Variants in MACROD2 observed in about 807,000 individuals in gnomAD.
The protein encoded by MACROD2 is ADP-ribose glycohydrolase MACROD2.
In MACROD2, 36 loss-of-function variants were observed where a neutral mutation model predicts 70.4. That is an observed-to-expected ratio of 0.51 (90% confidence interval 0.39 to 0.68). The LOEUF (loss-of-function observed/expected upper bound fraction) is 0.68. Among genes scored for constraint, MACROD2 ranks in the 30% least tolerant of loss-of-function variants. The pLI, the probability that MACROD2 is intolerant of heterozygous loss-of-function variation, is 0.00. For missense variants in MACROD2, 496 were observed against 538.4 expected, an observed-to-expected ratio of 0.92 and a Z score of 0.78; for synonymous variants, 172 against 178.8, an observed-to-expected ratio of 0.96 and a Z score of 0.30.
chr20:15,800,039 T>C (rs971371732), intron 8 of MACROD2, among the ~76,000 whole-genome samples: 1 of 152,192 alleles, frequency 6.6e-6, no homozygotes, highest in Admixed American at 6.6e-5. Flanking sequence ...TGATGACTCA[T>C]GATGTTGAGC....
At chr20:14,580,333 G>A (rs751229745) in intron 4 of MACROD2, among the ~76,000 whole-genome samples, 4 of 151,944 alleles carry the variant, frequency 2.6e-5, no homozygotes, top group Non-Finnish European at 5.9e-5. Context: ...CTGAAAATCC[G>A]TACAGACTTA....
At chr20:14,161,979 G>A (rs1365671442) in intron 3 of MACROD2, among the ~76,000 whole-genome samples, 2 of 152,086 alleles carry the variant, frequency 1.3e-5, no homozygotes, top group African/African-American at 4.8e-5. Flanking sequence ...TTTATATGAT[G>A]ATAAACTCTT....
At chr20:15,483,872 T>A (rs752050047) in intron 7 of MACROD2, among the ~76,000 whole-genome samples, 1 of 152,006 alleles carries the variant, frequency 6.6e-6, no homozygotes, top group East Asian at 1.9e-4. Flanking sequence ...AGTTTATTGT[T>A]GGTACATAGG....
At position 15,918,894 on chromosome 20, in the gene MACROD2, A is replaced by G. The variant is rs538766644; in HGVS notation, c.776-14382A>G. On this transcript the variant is annotated intron_variant, in intron 10 of 17. Transcript: ENST00000684519. ...TATTAAATGACTGATCCTAGAACCAATGAGGGGCTCTGCATGTTAAATAAC... is the reference window on the plus strand; with the variant it reads ...TATTAAATGACTGATCCTAGAACCAGTGAGGGGCTCTGCATGTTAAATAAC... 6.6e-5 allele frequency among the ~76,000 whole-genome samples: 10 copies of G among 152,252 alleles called. No homozygotes were observed. The South Asian group carries it at 1.5e-3, about 22-fold the overall frequency.
At chr20:14,033,295 G>A (rs1569126157) in intron 2 of MACROD2, among the ~76,000 whole-genome samples, 1 of 151,638 alleles carries the variant, frequency 6.6e-6, no homozygotes, top group Non-Finnish European at 1.5e-5. Context: ...CTTGCGATCT[G>A]TTTATTAACT....
intron 5 of MACROD2, among the ~76,000 whole-genome samples, chr20:15,189,665 G>A (rs1243030010): frequency 6.6e-6 from 1 of 152,086 alleles, no homozygotes; most frequent in Admixed American, 6.5e-5. Context: ...AGTAGGTGAA[G>A]GAAAATATAT....
In MACROD2 at chr20:14,349,120, C is replaced by T. The variant is rs530552368; in HGVS notation, c.272-144359C>T. ...ATGGAAAATAAAAATAATCTGAATT[C>T]CCACTATCCAGTATTAACATTGGGT... On this transcript the variant is annotated intron_variant, in intron 3 of 17. Coordinates refer to ENST00000684519, the MANE Select transcript of MACROD2 (RefSeq NM_001351661.2). 2.0e-5 allele frequency among the ~76,000 whole-genome samples: 3 copies of T among 151,042 alleles called. No individual in the cohort carries two copies. In the South Asian group the frequency reaches 6.3e-4, roughly 32 times the overall value.
intron 5 of MACROD2, among the ~76,000 whole-genome samples, chr20:14,899,479 T>C (rs889932340): frequency 6.6e-6 from 1 of 152,174 alleles, no homozygotes; most frequent in Non-Finnish European, 1.5e-5. Flanking sequence ...AACTTTGGCA[T>C]TGCTTGGTTT....
At chr20:14,397,706 T>A (rs1450628235) in intron 3 of MACROD2, among the ~76,000 whole-genome samples, 1 of 152,138 alleles carries the variant, frequency 6.6e-6, no homozygotes, top group African/African-American at 2.4e-5. Context: ...TCAGAGTAAT[T>A]AGGATTACAA....
intron 3 of MACROD2, among the ~76,000 whole-genome samples, chr20:14,095,346 G>T (rs2054208322): frequency 6.6e-6 from 1 of 152,096 alleles, no homozygotes. Flanking sequence ...AGGAAATGTA[G>T]GACTCAAGTG....
At chr20:14,155,746 A>G (rs2055093507) in intron 3 of MACROD2, among the ~76,000 whole-genome samples, 2 of 152,108 alleles carry the variant, frequency 1.3e-5, no homozygotes, top group South Asian at 4.1e-4. Context: ...AAAATTCAGG[A>G]TACCCTTTTC....
At chr20:15,911,247 G>A (rs2065232537) in intron 10 of MACROD2, among the ~76,000 whole-genome samples, 1 of 152,160 alleles carries the variant, frequency 6.6e-6, no homozygotes, top group Non-Finnish European at 1.5e-5. Flanking sequence ...GGACCAAGTA[G>A]GAGCTGAGTG....
intron 5 of MACROD2, among the ~76,000 whole-genome samples, chr20:15,047,119 T>C (rs2075400707): frequency 6.6e-6 from 1 of 152,234 alleles, no homozygotes; most frequent in African/African-American, 2.4e-5. Flanking sequence ...TTGATGTCTC[T>C]TATTTACTAA....
intron 2 of MACROD2, among the ~76,000 whole-genome samples, chr20:14,034,089 A>G (rs557860037): frequency 7.9e-5 from 12 of 152,208 alleles, no homozygotes; most frequent in African/African-American, 2.9e-4. Flanking sequence ...CTCCTGCCTC[A>G]GCCTCCCGAC....
At chr20:15,394,151 CT>C (rs1298845914) in intron 6 of MACROD2, among the ~76,000 whole-genome samples, 1 of 152,172 alleles carries the variant, frequency 6.6e-6, no homozygotes, top group Non-Finnish European at 1.5e-5. Flanking sequence ...ATCATATCAA[CT>C]CTCCTAACAG....
At chr20:15,604,469 G>A (rs751611578) in intron 8 of MACROD2, among the ~76,000 whole-genome samples, 2 of 152,202 alleles carry the variant, frequency 1.3e-5, no homozygotes, top group Non-Finnish European at 2.9e-5. Context: ...TTCTACAGCA[G>A]GGCCAGATTT....
intron 5 of MACROD2, among the ~76,000 whole-genome samples, chr20:14,844,405 T>C (rs1181242900): frequency 6.6e-6 from 1 of 151,880 alleles, no homozygotes; most frequent in African/African-American, 2.4e-5. Flanking sequence ...TAATCCCAGC[T>C]ACTCGGGAGG....
intron 3 of MACROD2, among the ~76,000 whole-genome samples, chr20:14,147,609 G>A (rs763171159): frequency 6.6e-5 from 10 of 152,180 alleles, no homozygotes; most frequent in Non-Finnish European, 1.3e-4. Context: ...GTTGAAAGTA[G>A]TATGTTATTT....
At chr20:14,425,343 C>T (rs935605783) in intron 3 of MACROD2, among the ~76,000 whole-genome samples, 3 of 152,164 alleles carry the variant, frequency 2.0e-5, no homozygotes, top group African/African-American at 7.2e-5. Flanking sequence ...CTTTCTCCAC[C>T]CTCCAGCTTT....
Sources: gnomAD v4.1 joint callset for allele counts (sites outside exome capture counted in the v4.1 genomes callset) on GRCh38, gnomAD v4.1.1 for gene constraint, MANE v1.5 for transcripts, NCBI Gene and HGNC (gene_info 2026-07-23, HGNC 2026-07-21) for gene names.